Variants in CYFIP1 observed in about 807,000 individuals in gnomAD.
CYFIP1 encodes cytoplasmic FMR1-interacting protein 1.
A neutral mutation model predicts 163.5 loss-of-function variants in CYFIP1; 58 were observed. The ratio of observed to expected loss-of-function variants is 0.35; its 90% CI spans 0.29 to 0.44. The LOEUF (loss-of-function observed/expected upper bound fraction) is 0.44. Ranked by LOEUF, CYFIP1 falls within the 20% of genes least tolerant of loss-of-function variation. CYFIP1 has a pLI of 1.00. For missense variants in CYFIP1, 1,338 were observed against 1,653.8 expected (o/e 0.81, Z 3.31); for synonymous variants, 663 against 660.7 (o/e 1.00, Z -0.05).
At position 22,917,301 on chromosome 15, in the gene CYFIP1, T is replaced by G. The variant is rs559571265; in HGVS notation, c.1674+487A>C. ...AGGACGGAGGACAGACGCAGCGGTG[T>G]GGATTAAACCGGGTGTGAAAGTCGT... On this transcript the variant is annotated intron_variant, in intron 15 of 30. Transcript: ENST00000617928. The surrounding 1 kb of genome is among the most constrained non-coding windows in gnomAD (Gnocchi z 4.2). The G allele has an allele frequency of 3.1e-4, 417 of 1,342,110 alleles. 1 individual carries two copies. In the African/African-American group the frequency reaches 5.7e-3, roughly 18 times the overall value. 83.1% of individuals were successfully genotyped at this position (1,342,110 alleles called of 1,614,324 possible).
At chr15:22,893,057 C>T (rs2060123008) in intron 22 of CYFIP1, 80 bp from the exon 23 acceptor site, 3 of 1,017,582 alleles carry the variant, frequency 2.9e-6, no homozygotes, top group East Asian at 5.0e-5. Context: ...CTCCATAATC[C>T]ATCTACTAAA....
Position 22,933,773 on chromosome 15 carries a change from C to T in CYFIP1, c.992+29G>A, listed in dbSNP as rs200522877. Reference sequence around the variant, plus strand: ...CACAATGAGGACACTGCCGAAAGCTCAAACCAGGCAGCTTTCCTCTCCTCC... The same window carrying T: ...CACAATGAGGACACTGCCGAAAGCTTAAACCAGGCAGCTTTCCTCTCCTCC... On this transcript the variant is annotated intron_variant, in intron 10 of 30. Coordinates refer to ENST00000617928, the MANE Select transcript of CYFIP1 (RefSeq NM_014608.6). The T allele has an allele frequency of 7.5e-5, 118 of 1,562,998 alleles. No homozygotes were observed. In the Admixed American group the frequency reaches 2.0e-3, roughly 27 times the overall value.
intron 1 of CYFIP1, among the ~76,000 whole-genome samples, chr15:22,957,980 G>A (rs749579832): frequency 4.6e-5 from 7 of 152,182 alleles, no homozygotes; most frequent in Non-Finnish European, 7.3e-5. Flanking sequence ...CAGGTTAAAC[G>A]GCCTGACCGC....
intron 8 of CYFIP1, among the ~76,000 whole-genome samples, chr15:22,937,596 CTTTTTTTGTT>C (rs2061753377): frequency 7.0e-6 from 1 of 143,746 alleles, no homozygotes; most frequent in Non-Finnish European, 1.5e-5. Context: ...ACTAAAAATT[CTTTTTTTGTT>C]TTTTTTTTTT....
At position 22,969,497 on chromosome 15, in the gene CYFIP1, A is replaced by C. The variant is rs2063016974; in HGVS notation, c.-7+10790T>G. ...TCTAAGAGGCTTTTAACACAAAAAA[A>C]TTCATACAAATGCAAATCTTGTCCC... On this transcript the variant is annotated intron_variant, in intron 1 of 30. Coordinates refer to ENST00000617928, the MANE Select transcript of CYFIP1 (RefSeq NM_014608.6). Among the ~76,000 whole-genome samples the C allele has an allele frequency of 1.3e-5, 2 of 152,200 alleles. 1 individual carries two copies. The highest frequency in any genetic ancestry group is 1.3e-4 in the Admixed American group (2 of 15,272).
intron 20 of CYFIP1, among the ~76,000 whole-genome samples, chr15:22,910,199 C>T (rs1450166307): frequency 2.0e-5 from 3 of 151,896 alleles, no homozygotes; most frequent in Non-Finnish European, 4.4e-5. Flanking sequence ...CTCACTCTGT[C>T]ACCCAGGCTG....
rs2059217170 is a variant in CYFIP1 at position 22,867,759 on chromosome 15, T to TAAC, written c.*2266_*2268dup. 6.7e-6 allele frequency: 1 copy of TAAC among 150,064 alleles called. No individual in the cohort carries two copies. The highest frequency in any genetic ancestry group is 1.5e-5 in the Non-Finnish European group (1 of 68,006). 9.3% of individuals were successfully genotyped at this position (150,064 alleles called of 1,614,324 possible). ...AAAGTCTGAATGCTTAGAACAAACTTAACATGTTTATAGAATATGGTCTCT... is the reference window on the plus strand; with the variant it reads ...AAAGTCTGAATGCTTAGAACAAACTTAACAACATGTTTATAGAATATGGTCTCT... On this transcript the variant is annotated 3_prime_UTR_variant, in exon 31 of 31. Coordinates refer to ENST00000617928, the MANE Select transcript of CYFIP1 (RefSeq NM_014608.6).
chr15:22,897,832 G>A (rs1054324118), intron 22 of CYFIP1, among the ~76,000 whole-genome samples: 1 of 152,150 alleles, frequency 6.6e-6, no homozygotes, highest in African/African-American at 2.4e-5. Flanking sequence ...AAGCCTCCTG[G>A]CCTTGTGTGA....
At chr15:22,887,233 C>A (rs1439570097) in intron 23 of CYFIP1, among the ~76,000 whole-genome samples, 2 of 151,648 alleles carry the variant, frequency 1.3e-5, no homozygotes, top group Non-Finnish European at 2.9e-5. Flanking sequence ...GGTCATGAGA[C>A]CCCCCAAAAC....
intron 22 of CYFIP1, among the ~76,000 whole-genome samples, chr15:22,900,509 C>T (rs1392837407): frequency 6.6e-6 from 1 of 151,778 alleles, no homozygotes; most frequent in African/African-American, 2.4e-5. Flanking sequence ...CGCCATTCTC[C>T]TGCCTCAGCC....
At chr15:22,901,727 A>G (rs1224207763) in intron 22 of CYFIP1, among the ~76,000 whole-genome samples, 1 of 152,246 alleles carries the variant, frequency 6.6e-6, no homozygotes, top group Non-Finnish European at 1.5e-5. Context: ...TGTGCCATGT[A>G]GCTCTCAGAA....
At chr15:22,979,794 C>G (rs998188842) in intron 1 of CYFIP1, among the ~76,000 whole-genome samples, 8 of 152,350 alleles carry the variant, frequency 5.3e-5, no homozygotes, top group Non-Finnish European at 1.2e-4. Flanking sequence ...ACCAGGCTCC[C>G]TCCGCTCCTC....
At chr15:22,938,923 T>TAAC (rs2061803637) in intron 8 of CYFIP1, among the ~76,000 whole-genome samples, 1 of 74,380 alleles carries the variant, frequency 1.3e-5, no homozygotes, top group African/African-American at 4.9e-5. Flanking sequence ...AAAAGCAGCT[T>TAAC]AAAAAAAAAA....
chr15:22,904,198 TCCC>T (rs976541229), intron 21 of CYFIP1: 5 of 480,206 alleles, frequency 1.0e-5, no homozygotes, highest in Admixed American at 6.8e-5. Flanking sequence ...CTGCCACCCT[TCCC>T]CCCATGTGCC....
At chr15:22,884,004 C>T (rs1356358777) in intron 23 of CYFIP1, among the ~76,000 whole-genome samples, 3 of 152,064 alleles carry the variant, frequency 2.0e-5, no homozygotes, top group African/African-American at 7.2e-5. Flanking sequence ...CTCGTGAGAA[C>T]TCACTCACTA....
intron 21 of CYFIP1, among the ~76,000 whole-genome samples, chr15:22,906,104 GATTT>G (rs886725885): frequency 6.6e-6 from 1 of 150,616 alleles, no homozygotes; most frequent in African/African-American, 2.4e-5. Context: ...CTTATTTCTC[GATTT>G]ATTTTTTTTT....
intron 22 of CYFIP1, among the ~76,000 whole-genome samples, chr15:22,901,881 T>A (rs1399491676): frequency 6.6e-6 from 1 of 152,166 alleles, no homozygotes; most frequent in Non-Finnish European, 1.5e-5. Flanking sequence ...CAAAGACTTG[T>A]GGGAAATGCA....
intron 21 of CYFIP1, among the ~76,000 whole-genome samples, chr15:22,908,414 T>C (rs1279727017): frequency 6.6e-6 from 1 of 151,726 alleles, no homozygotes; most frequent in Non-Finnish European, 1.5e-5. Context: ...GGATTAGACC[T>C]TACCTGGAGA....
intron 1 of CYFIP1, among the ~76,000 whole-genome samples, chr15:22,966,231 G>A (rs917773888): frequency 1.3e-5 from 2 of 151,876 alleles, no homozygotes; most frequent in African/African-American, 4.8e-5. Context: ...GCGTGGGCCT[G>A]TAATCCCAGC....
Sources: allele counts gnomAD v4.1 joint callset (sites outside exome capture counted in the v4.1 genomes callset), GRCh38; gene constraint gnomAD v4.1.1; non-coding constraint Gnocchi (gnomAD v3.1); transcripts MANE v1.5; gene names NCBI Gene and HGNC (gene_info 2026-07-23, HGNC 2026-07-21).